PKP4: variants seen among roughly 807,000 people sequenced by gnomAD.
PKP4 encodes the protein plakophilin 4.
A neutral mutation model predicts 145.1 loss-of-function variants in PKP4; 90 were observed. The observed-to-expected ratio is 0.62, with a 90% CI of 0.52 to 0.74. The LOEUF is 0.74. Ranked by LOEUF, PKP4 falls within the 30% of genes least tolerant of loss-of-function variation. The pLI, the probability that PKP4 is intolerant of heterozygous loss-of-function variation, is 0.00. For missense variants in PKP4, 1,340 were observed against 1,482.7 expected (o/e 0.90, Z 1.58); for synonymous variants, 563 against 577.2 (o/e 0.98, Z 0.35).
intron 2 of PKP4, among the ~76,000 whole-genome samples, chr2:158,557,314 T>C (rs2046182485): frequency 6.6e-6 from 1 of 152,164 alleles, no homozygotes; most frequent in Non-Finnish European, 1.5e-5. Context: ...GTAGACTTAC[T>C]GAAAACACAG....
chr2:158,666,401 T>C lies in PKP4; in HGVS notation c.2578-12T>C. On this transcript the variant is annotated splice_polypyrimidine_tract_variant and intron_variant, in intron 15 of 21. Coordinates refer to ENST00000389759, the MANE Select transcript of PKP4 (RefSeq NM_003628.6). ...TGTTTTATGTTACTTCCTGCCTTAT[T>C]TTTCTCACTAGTTTGCAGCATATAT... The C allele has an allele frequency of 6.4e-7, 1 of 1,571,196 alleles. No homozygotes were observed. Among genetic ancestry groups the C allele is most frequent in the South Asian group, 1.2e-5 (1 of 83,240 alleles).
intron 4 of PKP4, among the ~76,000 whole-genome samples, chr2:158,604,113 G>A (rs1275746204): frequency 6.6e-6 from 1 of 152,160 alleles, no homozygotes; most frequent in Admixed American, 6.5e-5. Flanking sequence ...AATAATATGT[G>A]GTTAACTGCC....
intron 4 of PKP4, among the ~76,000 whole-genome samples, chr2:158,604,856 C>G (rs996023489): frequency 5.3e-5 from 8 of 152,108 alleles, no homozygotes; most frequent in African/African-American, 1.7e-4. Flanking sequence ...TTATGTGGTT[C>G]AGACATGTGG....
chr2:158,628,620 G>T (rs1477002041), intron 7 of PKP4, among the ~76,000 whole-genome samples: 2 of 152,138 alleles, frequency 1.3e-5, no homozygotes, highest in Non-Finnish European at 2.9e-5. Flanking sequence ...CCTATAACGA[G>T]TGAACATCTG....
At chr2:158,668,322 C>G (rs973003400) in intron 16 of PKP4, among the ~76,000 whole-genome samples, 1 of 152,180 alleles carries the variant, frequency 6.6e-6, no homozygotes, top group Non-Finnish European at 1.5e-5. Flanking sequence ...TTCCTAGGAA[C>G]CTTCCCCTTC....
At chr2:158,537,528 G>A (rs2044154764) in intron 2 of PKP4, among the ~76,000 whole-genome samples, 1 of 152,174 alleles carries the variant, frequency 6.6e-6, no homozygotes, top group Non-Finnish European at 1.5e-5. Context: ...GAAATTACAG[G>A]AAGTATCAGA....
rs1011979391 is a variant in PKP4, at chr2:158,510,108, A to G, written c.-5-23072A>G. On this transcript the variant is annotated intron_variant, in intron 1 of 21. Coordinates refer to ENST00000389759, the MANE Select transcript of PKP4 (RefSeq NM_003628.6). Reference sequence around the variant, plus strand: ...CTAAAAGGAAAGAAGTTACCCAAGTAGGAAGATTGAAAATGAAATCTGATT... The same window carrying G: ...CTAAAAGGAAAGAAGTTACCCAAGTGGGAAGATTGAAAATGAAATCTGATT... Among the ~76,000 whole-genome samples, 20 of 152,340 alleles carry G rather than the reference A, an allele frequency of 1.3e-4. 1 individual carries two copies. In the South Asian group the frequency reaches 1.9e-3, roughly 14 times the overall value.
At chr2:158,543,648 C>T (rs2044710530) in intron 2 of PKP4, among the ~76,000 whole-genome samples, 2 of 152,148 alleles carry the variant, frequency 1.3e-5, no homozygotes, top group Non-Finnish European at 2.9e-5. Context: ...GAAGGATAAA[C>T]TTTGGATATC....
chr2:158,548,429 C>A, intron 2 of PKP4: 1 of 141,568 alleles, frequency 7.1e-6, no homozygotes, highest in South Asian at 2.1e-4. Flanking sequence ...CCCAAGATGC[C>A]AAAAGGAAAG....
intron 3 of PKP4, among the ~76,000 whole-genome samples, chr2:158,602,733 T>C (rs1285421638): frequency 1.3e-5 from 2 of 152,236 alleles, no homozygotes; most frequent in Admixed American, 1.3e-4. Flanking sequence ...TTCTTTTTCA[T>C]ATATATGATA....
intron 19 of PKP4, among the ~76,000 whole-genome samples, chr2:158,675,398 A>G (rs1025753595): frequency 9.9e-5 from 15 of 151,942 alleles, no homozygotes; most frequent in African/African-American, 3.6e-4. Flanking sequence ...TTACTCTTCA[A>G]TGTGGCCCAA....
chr2:158,619,875 A>G (rs1395273051), intron 4 of PKP4, among the ~76,000 whole-genome samples: 8 of 152,122 alleles, frequency 5.3e-5, no homozygotes, highest in Admixed American at 5.2e-4. Flanking sequence ...TGGTAAATGG[A>G]TGCTACTTAG....
At chr2:158,505,462 T>G (rs1189372116) in intron 1 of PKP4, among the ~76,000 whole-genome samples, 1 of 152,182 alleles carries the variant, frequency 6.6e-6, no homozygotes, top group Non-Finnish European at 1.5e-5. Flanking sequence ...TGTCCAGGGC[T>G]TCTCCGAGGC....
At chr2:158,677,096 G>A (rs1170388538) in intron 20 of PKP4, 1 of 532,432 alleles carries the variant, frequency 1.9e-6, no homozygotes, top group Non-Finnish European at 3.4e-6. Context: ...GTTGTACGGT[G>A]GGCACAAATA....
At chr2:158,479,396 G>A (rs1693000847) in intron 1 of PKP4, among the ~76,000 whole-genome samples, 2 of 151,998 alleles carry the variant, frequency 1.3e-5, no homozygotes, top group African/African-American at 2.4e-5. Flanking sequence ...GTTAATTTTT[G>A]TATGTTTTGT....
At chr2:158,467,549 C>CAG (rs1690823692) in intron 1 of PKP4, among the ~76,000 whole-genome samples, 1 of 127,888 alleles carries the variant, frequency 7.8e-6, no homozygotes, top group Non-Finnish European at 1.6e-5. Flanking sequence ...GAGACCTTGT[C>CAG]AAAAAAAAAA....
chr2:158,596,075 T>C (rs951548448), intron 3 of PKP4, among the ~76,000 whole-genome samples: 2 of 151,418 alleles, frequency 1.3e-5, no homozygotes, highest in African/African-American at 4.9e-5. Flanking sequence ...GACTAAAAAG[T>C]AGACTTAGCT....
chr2:158,606,399 A>C (rs1003373138), intron 4 of PKP4, among the ~76,000 whole-genome samples: 2 of 152,016 alleles, frequency 1.3e-5, no homozygotes, highest in Non-Finnish European at 2.9e-5. Context: ...CAAACACGTT[A>C]TTATCCTTTT....
chr2:158,657,169 A>G (rs1279982451), intron 11 of PKP4, among the ~76,000 whole-genome samples: 1 of 152,148 alleles, frequency 6.6e-6, no homozygotes, highest in Non-Finnish European at 1.5e-5. Flanking sequence ...CAGCTGCACC[A>G]TCTCTTCTCC....
Sources: gnomAD v4.1 joint callset for allele counts (sites outside exome capture counted in the v4.1 genomes callset) on GRCh38, gnomAD v4.1.1 for gene constraint, MANE v1.5 for transcripts, NCBI Gene and HGNC (gene_info 2026-07-23, HGNC 2026-07-21) for gene names.